Variants in EYA4 observed in about 807,000 individuals in gnomAD.
EYA4 encodes EYA transcriptional coactivator and phosphatase 4, also known as protein phosphatase EYA4.
In EYA4, 31 loss-of-function variants were observed where a neutral mutation model predicts 87.9. The ratio of observed to expected loss-of-function variants is 0.35; its 90% CI spans 0.27 to 0.48. The LOEUF (loss-of-function observed/expected upper bound fraction) is 0.48, where lower values mean the gene tolerates loss of function less well. Ranked by LOEUF, EYA4 falls within the 20% of genes least tolerant of loss-of-function variation. The probability of loss-of-function intolerance (pLI) is 0.99; values close to 1 mark genes in which losing one functional copy is unlikely to be tolerated. For missense variants in EYA4, 678 were observed against 761.4 expected (o/e 0.89, Z 1.29); for synonymous variants, 263 against 270.6 (o/e 0.97, Z 0.28).
chr6:133,492,242 T>C (rs1024496756), intron 13 of EYA4, among the ~76,000 whole-genome samples: 5 of 152,082 alleles, frequency 3.3e-5, no homozygotes, highest in Non-Finnish European at 7.4e-5. Context: ...CAACAACACA[T>C]TGAAAAGATA....
chr6:133,275,644 C>T (rs1167091034), intron 2 of EYA4, among the ~76,000 whole-genome samples: 1 of 151,402 alleles, frequency 6.6e-6, no homozygotes, highest in Non-Finnish European at 1.5e-5. Flanking sequence ...GGAGAAGATA[C>T]TTATATCTAA....
At chr6:133,391,538 T>G (rs1448258838) in intron 3 of EYA4, among the ~76,000 whole-genome samples, 1 of 152,192 alleles carries the variant, frequency 6.6e-6, no homozygotes. Flanking sequence ...ACCAGCTTTG[T>G]TTTTCTCCAG....
chr6:133,385,353 T>TA (rs1407996644), intron 3 of EYA4, among the ~76,000 whole-genome samples: 4 of 92,130 alleles, frequency 4.3e-5, no homozygotes, highest in Admixed American at 1.2e-4. Flanking sequence ...TATATATATA[T>TA]TTTTTCTCTC....
chr6:133,393,823 T>TCTTAAAATTCTAGAAA (rs1562368368), intron 3 of EYA4, among the ~76,000 whole-genome samples: 9 of 152,180 alleles, frequency 5.9e-5, no homozygotes, highest in African/African-American at 2.2e-4. Context: ...ACACATCTTC[T>TCTTAAAATTCTAGAAA]AAGACTAGGG....
At chr6:133,260,858 A>C (rs1775745003) in intron 1 of EYA4, among the ~76,000 whole-genome samples, 1 of 152,126 alleles carries the variant, frequency 6.6e-6, no homozygotes, top group Non-Finnish European at 1.5e-5. Context: ...TAAATGTGAC[A>C]AACTTTTTAG....
rs1056917875 is a variant in EYA4 at position 133,355,235 on chromosome 6, C to T, written c.34-27157C>T. ...TTAGTTATTTTTCCTGATCCTCTCC[C>T]TCCTGCCACCCTCCACCCTTCCAAG... On this transcript the variant is annotated intron_variant, in intron 2 of 19. Transcript: ENST00000355286. 2.0e-5 allele frequency among the ~76,000 whole-genome samples: 3 copies of T among 152,144 alleles called. No individual in the cohort carries two copies. The East Asian group carries it at 5.8e-4, about 29-fold the overall frequency.
At chr6:133,492,131 C>T (rs1165823798) in intron 13 of EYA4, among the ~76,000 whole-genome samples, 1 of 151,898 alleles carries the variant, frequency 6.6e-6, no homozygotes, top group Non-Finnish European at 1.5e-5. Flanking sequence ...ACTCTGATAC[C>T]AAAACCAGAA....
At chr6:133,427,560 A>C (rs1323657109) in intron 3 of EYA4, among the ~76,000 whole-genome samples, 1 of 152,158 alleles carries the variant, frequency 6.6e-6, no homozygotes, top group African/African-American at 2.4e-5. Flanking sequence ...AAATTCCATG[A>C]TTGTTAAAAG....
At chr6:133,394,289 T>TTTG (rs1787584243) in intron 3 of EYA4, among the ~76,000 whole-genome samples, 1 of 18,198 alleles carries the variant, frequency 5.5e-5, no homozygotes, top group African/African-American at 8.0e-5. Context: ...CTTGTGTTTT[T>TTTG]TTTTTTTTTT....
intron 10 of EYA4, 66 bp downstream of exon 10, chr6:133,464,924 T>C: frequency 9.7e-7 from 1 of 1,029,620 alleles, no homozygotes; most frequent in Non-Finnish European, 1.5e-6. Flanking sequence ...TACTCTCAGG[T>C]TGCCATATAT....
At chr6:133,467,969 A>G (rs1794994136) in intron 10 of EYA4, among the ~76,000 whole-genome samples, 1 of 152,070 alleles carries the variant, frequency 6.6e-6, no homozygotes, top group South Asian at 2.1e-4. Flanking sequence ...AAAGTTCACT[A>G]AAGACTTTAA....
In EYA4 at chr6:133,483,379, A is replaced by ATTAT. The variant is rs570933979; in HGVS notation, c.1191+267_1191+270dup. Among the ~76,000 whole-genome samples the ATTAT allele has an allele frequency of 7.9e-5, 12 of 152,180 alleles. No individual in the cohort carries two copies. In the South Asian group the frequency reaches 2.5e-3, roughly 32 times the overall value. On this transcript the variant is annotated intron_variant, in intron 13 of 19. Coordinates refer to ENST00000355286, the MANE Select transcript of EYA4 (RefSeq NM_004100.5). ...AGACCAAGCTTCTTAGTCTCACATA[A>ATTAT]TTATTTTAGAAAAAAAATTGTAAAT...
intron 2 of EYA4, among the ~76,000 whole-genome samples, chr6:133,321,094 A>G (rs772409158): frequency 1.3e-5 from 2 of 152,228 alleles, no homozygotes; most frequent in Non-Finnish European, 2.9e-5. Flanking sequence ...TTTTTGAATG[A>G]ATGACACGTT....
intron 2 of EYA4, among the ~76,000 whole-genome samples, chr6:133,330,580 C>T (rs1362667875): frequency 1.4e-3 from 206 of 149,416 alleles, no homozygotes; most frequent in Non-Finnish European, 2.7e-3. Flanking sequence ...CACACACACA[C>T]ACACACACAC....
At chr6:133,411,966 C>G (rs1400351427) in intron 3 of EYA4, among the ~76,000 whole-genome samples, 2 of 152,226 alleles carry the variant, frequency 1.3e-5, no homozygotes, top group Non-Finnish European at 2.9e-5. Context: ...CAGAGGAGTT[C>G]TTGTCTCATG....
chr6:133,411,318 A>G (rs975772311), intron 3 of EYA4, among the ~76,000 whole-genome samples: 1 of 152,160 alleles, frequency 6.6e-6, no homozygotes, highest in Non-Finnish European at 1.5e-5. Flanking sequence ...ATGGAGCGGG[A>G]CCCAATTATT....
intron 3 of EYA4, among the ~76,000 whole-genome samples, chr6:133,438,244 A>ATT (rs1410714595): frequency 6.6e-6 from 1 of 151,970 alleles, no homozygotes; most frequent in Non-Finnish European, 1.5e-5. Context: ...TATCTAGATA[A>ATT]TTGCATTTCG....
chr6:133,531,168 C>T lies in EYA4; in HGVS notation c.*2363C>T. Reference sequence around the variant, plus strand: ...AGCCGGCTGGTTGCATCACCCCGTGCAGTTTCTCACACACATCTCTTTTTC... The same window carrying T: ...AGCCGGCTGGTTGCATCACCCCGTGTAGTTTCTCACACACATCTCTTTTTC... On this transcript the variant is annotated 3_prime_UTR_variant, in exon 20 of 20. Coordinates refer to ENST00000355286, the MANE Select transcript of EYA4 (RefSeq NM_004100.5). 6.5e-7 allele frequency: 1 copy of T among 1,534,464 alleles called. No homozygotes were observed. The highest frequency in any genetic ancestry group is 8.7e-7 in the Non-Finnish European group (1 of 1,146,406).
At chr6:133,294,298 A>G (rs2128302991) in intron 2 of EYA4, among the ~76,000 whole-genome samples, 1 of 150,152 alleles carries the variant, frequency 6.7e-6, no homozygotes. Context: ...TAGTCCACTG[A>G]GGAAATATAA....
Sources: gnomAD v4.1 joint callset for allele counts (sites outside exome capture counted in the v4.1 genomes callset) on GRCh38, gnomAD v4.1.1 for gene constraint, MANE v1.5 for transcripts, NCBI Gene and HGNC (gene_info 2026-07-23, HGNC 2026-07-21) for gene names.